The following EARS2 variants were observed in gnomAD, a reference collection of about 807,000 sequenced individuals.
The protein encoded by EARS2 is glutamyl-tRNA synthetase 2, mitochondrial, also known as nondiscriminating glutamyl-tRNA synthetase EARS2, mitochondrial.
A neutral mutation model predicts 54.1 loss-of-function variants in EARS2; 50 were observed. The ratio of observed to expected loss-of-function variants is 0.92; its 90% CI spans 0.74 to 1.17. EARS2 has a LOEUF of 1.17. EARS2 is among the 50% of genes most tolerant of loss of function. The pLI, the probability that EARS2 is intolerant of heterozygous loss-of-function variation, is 0.00. For synonymous variants in EARS2, 298 were observed against 281.0 expected (o/e 1.06, Z -0.61); for missense variants, 673 against 675.0 (o/e 1.00, Z 0.03).
intron 1 of EARS2, among the ~76,000 whole-genome samples, chr16:23,556,132 G>C (rs1965777512): frequency 6.6e-6 from 1 of 152,180 alleles, no homozygotes; most frequent in African/African-American, 2.4e-5. Flanking sequence ...GTATAGCTGG[G>C]ATTTTACTAC....
intron 3 of EARS2, among the ~76,000 whole-genome samples, chr16:23,544,208 C>T (rs1489300071): frequency 6.6e-6 from 1 of 152,080 alleles, no homozygotes; most frequent in Non-Finnish European, 1.5e-5. Flanking sequence ...GCTCGCATGG[C>T]AAAGAACTGA....
At chr16:23,556,061 C>A (rs1057486246) in intron 1 of EARS2, among the ~76,000 whole-genome samples, 2 of 152,260 alleles carry the variant, frequency 1.3e-5, no homozygotes, top group African/African-American at 2.4e-5. Context: ...AGCACTTCCA[C>A]AACAGATGGT....
Position 23,522,676 on chromosome 16 carries a change from T to A in EARS2, c.*1695A>T, listed in dbSNP as rs1965158304. The A allele has an allele frequency of 1.3e-5, 2 of 152,132 alleles. No individual in the cohort carries two copies. The highest frequency in any genetic ancestry group is 4.8e-5 in the African/African-American group (2 of 41,436). 9.4% of individuals were successfully genotyped at this position (152,132 alleles called of 1,614,324 possible). On this transcript the variant is annotated 3_prime_UTR_variant, in exon 9 of 9. Coordinates refer to ENST00000449606, the MANE Select transcript of EARS2 (RefSeq NM_001083614.2). The stretch of plus-strand genomic sequence containing the variant: ...CGCCTTTCCACTCCCCTGGACAAAA[T>A]AAATATATTGTCTACTGCTGAAACG...
intron 2 of EARS2, among the ~76,000 whole-genome samples, chr16:23,551,794 G>T (rs1202601048): frequency 6.6e-6 from 1 of 152,090 alleles, no homozygotes; most frequent in Admixed American, 6.6e-5. Context: ...GGTGGCGGGC[G>T]CCTGTAGTTC....
rs2142184799 is a variant in EARS2, at chr16:23,544,576, G to A, written c.423C>T (p.Phe141=). Residue 141 remains phenylalanine (F), a synonymous_variant, in exon 3 of 9, where the codon TTC becomes TTT. Coordinates refer to ENST00000449606, the MANE Select transcript of EARS2 (RefSeq NM_001083614.2). ...GGAGCTCCAGCCGCTGGGGTGAGCA[G>A]AAACAGGGGTAAGCAGCTCCGGTCT... ...LLKTGAAYPC[F]CSPQRLELLK... 5.0e-6 allele frequency: 8 copies of A among 1,614,160 alleles called. No homozygotes were observed. In the East Asian group the frequency reaches 1.8e-4, roughly 36 times the overall value.
intron 2 of EARS2, among the ~76,000 whole-genome samples, chr16:23,547,530 G>T (rs1965623991): frequency 6.6e-6 from 1 of 152,034 alleles, no homozygotes; most frequent in Non-Finnish European, 1.5e-5. Context: ...CCCGAAGACA[G>T]AGTCTAGCTC....
At chr16:23,548,994 T>C (rs1965651091) in intron 2 of EARS2, among the ~76,000 whole-genome samples, 1 of 152,208 alleles carries the variant, frequency 6.6e-6, no homozygotes, top group Non-Finnish European at 1.5e-5. Context: ...AATAAAATTC[T>C]TCTCTGCCTT....
In EARS2 at chr16:23,522,637, A is replaced by G. The variant is rs542442926; in HGVS notation, c.*1734T>C. ...AAAGACTAGGACTCTATGGGGCTCA[A>G]CAAACTCTGTAATCGCCTTTCCACT... On this transcript the variant is annotated 3_prime_UTR_variant, in exon 9 of 9. Transcript: ENST00000449606. The G allele has an allele frequency of 1.3e-5, 2 of 152,332 alleles. No homozygotes were observed. Among genetic ancestry groups the G allele is most frequent in the Non-Finnish European group, 1.5e-5 (1 of 68,036 alleles). 9.4% of individuals were successfully genotyped at this position (152,332 alleles called of 1,614,324 possible). A position where few individuals can be genotyped will look rare whatever the true frequency, so the allele number is the denominator to read the frequency against.
intron 5 of EARS2, among the ~76,000 whole-genome samples, chr16:23,530,147 TGA>T (rs1213822473): frequency 6.6e-6 from 1 of 152,180 alleles, no homozygotes; most frequent in African/African-American, 2.4e-5. Flanking sequence ...TGTTTTTGTT[TGA>T]GAGTCTTGCT....
intron 2 of EARS2, among the ~76,000 whole-genome samples, chr16:23,547,158 A>T (rs9937564): frequency 0.098 from 14,770 of 150,980 alleles, 1,156 homozygotes; most frequent in African/African-American, 0.21. Context: ...ATGTGGTATA[A>T]CCATATGATG....
intron 2 of EARS2, among the ~76,000 whole-genome samples, chr16:23,548,341 A>T (rs1010848200): frequency 4.6e-5 from 7 of 152,290 alleles, no homozygotes; most frequent in Non-Finnish European, 7.4e-5. Flanking sequence ...AGCCACCATG[A>T]GGTGCCTGAA....
chr16:23,556,744 G>C (rs1159194342), intron 1 of EARS2: 3 of 375,460 alleles, frequency 8.0e-6, no homozygotes, highest in African/African-American at 6.4e-5. Context: ...GCTCAGTAAA[G>C]CCTTCTGGAG....
intron 1 of EARS2, among the ~76,000 whole-genome samples, chr16:23,555,954 T>A (rs1422846391): frequency 6.6e-6 from 1 of 152,254 alleles, no homozygotes; most frequent in East Asian, 1.9e-4. Context: ...AAAATGAGAT[T>A]GGTTTGTATT....
chr16:23,523,271 C>T lies in EARS2; in HGVS notation c.*1100G>A, dbSNP rs1257899960. On this transcript the variant is annotated 3_prime_UTR_variant, in exon 9 of 9. Transcript: ENST00000449606. ...TCCTTTCACTTGCTATTCCTCTTCACTGAAGACCCCAAGAAGCATATCTCA... is the reference window on the plus strand; with the variant it reads ...TCCTTTCACTTGCTATTCCTCTTCATTGAAGACCCCAAGAAGCATATCTCA... The T allele has an allele frequency of 1.3e-5, 2 of 152,212 alleles. No individual in the cohort carries two copies. Among genetic ancestry groups the T allele is most frequent in the Non-Finnish European group, 2.9e-5 (2 of 68,054 alleles). The allele number at this position is 152,212 out of a possible 1,614,324, so 9.4% of individuals were successfully genotyped here. A position where few individuals can be genotyped will look rare whatever the true frequency, so the allele number is the denominator to read the frequency against.
chr16:23,556,446 C>T (rs1055189500), intron 1 of EARS2, among the ~76,000 whole-genome samples: 12 of 152,014 alleles, frequency 7.9e-5, no homozygotes, highest in African/African-American at 2.7e-4. Context: ...TCTCCACCTC[C>T]TGCGTTCAAG....
intron 1 of EARS2, among the ~76,000 whole-genome samples, chr16:23,553,691 G>C (rs773193278): frequency 2.0e-5 from 3 of 151,800 alleles, no homozygotes; most frequent in African/African-American, 4.8e-5. Flanking sequence ...GGAGTTTGAG[G>C]CCAGCCTGGC....
At chr16:23,539,540 A>G (rs1248154712) in intron 3 of EARS2, among the ~76,000 whole-genome samples, 4 of 152,214 alleles carry the variant, frequency 2.6e-5, no homozygotes, top group African/African-American at 9.6e-5. Flanking sequence ...AACGACTTAG[A>G]TAAGCTGTCT....
intron 1 of EARS2, among the ~76,000 whole-genome samples, chr16:23,555,387 T>G (rs564182990): frequency 2.0e-5 from 3 of 151,886 alleles, no homozygotes; most frequent in African/African-American, 7.2e-5. Context: ...ACTCGGGAGG[T>G]TGAGGTGGGA....
intron 8 of EARS2, 33 bp from the exon 9 acceptor site, chr16:23,524,487 A>T (rs1965191547): frequency 6.3e-7 from 1 of 1,582,530 alleles, no homozygotes; most frequent in Non-Finnish European, 8.7e-7. Flanking sequence ...TTGCCTTACT[A>T]CCTTAAACAG....
Sources: gnomAD v4.1 joint callset for allele counts (sites outside exome capture counted in the v4.1 genomes callset) on GRCh38, gnomAD v4.1.1 for gene constraint, MANE v1.5 for transcripts, NCBI Gene and HGNC (gene_info 2026-07-23, HGNC 2026-07-21) for gene names.